Variants in ZW10 observed in about 807,000 individuals in gnomAD.
ZW10 encodes centromere/kinetochore protein zw10 homolog.
ZW10 carries 53 observed loss-of-function variants against 87.8 expected under a neutral mutation model. That is an observed-to-expected ratio of 0.60 (90% CI 0.48 to 0.76). The LOEUF is 0.76. ZW10 is among the 30% of genes least tolerant of loss of function. The pLI is 0.00. For synonymous variants in ZW10, 312 were observed against 329.2 expected, an observed-to-expected ratio of 0.95 and a Z score of 0.57; for missense variants, 837 against 923.0, an observed-to-expected ratio of 0.91 and a Z score of 1.21.
chr11:113,757,932 T>A, intron 6 of ZW10, 79 bp from the exon 7 acceptor site: 1 of 1,233,200 alleles, frequency 8.1e-7, no homozygotes. Flanking sequence ...ACATCTGTAA[T>A]CCCAGCACTT....
intron 2 of ZW10, among the ~76,000 whole-genome samples, chr11:113,767,840 A>T (rs919141140): frequency 6.6e-6 from 1 of 152,088 alleles, no homozygotes; most frequent in African/African-American, 2.4e-5. Flanking sequence ...GAATACTTGT[A>T]GCTCCCCAAC....
chr11:113,747,694 T>C lies in ZW10; in HGVS notation c.1109A>G (p.Glu370Gly). The C allele has an allele frequency of 6.2e-7, 1 of 1,611,242 alleles. No individual in the cohort carries two copies. Among genetic ancestry groups the C allele is most frequent in the Non-Finnish European group, 8.5e-7 (1 of 1,178,300 alleles). ...QYEEIIQSTE[E>G]FENALKEMRF... ...CATTTCCTTTAGGGCATTTTCAAAT[T>C]CTTCAGTGGACTGTATGATCTGAGA... is the stretch of plus-strand genomic sequence containing the variant. The change falls in exon 9 of 16, where the codon GAA (glutamate) becomes GGA (glycine). Residue 370 changes from glutamate (E) to glycine (G), a missense_variant. Coordinates refer to ENST00000200135, the MANE Select transcript of ZW10 (RefSeq NM_004724.4).
intron 8 of ZW10, 98 bp from the exon 9 acceptor site, chr11:113,747,811 C>T: frequency 9.8e-7 from 1 of 1,020,142 alleles, no homozygotes; most frequent in South Asian, 2.0e-5. Context: ...GAGGACCAAG[C>T]TGGTCATTTT....
At chr11:113,767,576 ATT>A (rs979828730) in intron 2 of ZW10, among the ~76,000 whole-genome samples, 3 of 151,968 alleles carry the variant, frequency 2.0e-5, no homozygotes, top group African/African-American at 7.3e-5. Flanking sequence ...GCCTCTGAAC[ATT>A]TTAACTGCCT....
chr11:113,763,497 T>C (rs1348045394), intron 2 of ZW10, among the ~76,000 whole-genome samples: 1 of 152,204 alleles, frequency 6.6e-6, no homozygotes, highest in Non-Finnish European at 1.5e-5. Context: ...TGTAAAAACG[T>C]TCCTATTTCT....
At chr11:113,765,725 G>T (rs1381814116) in intron 2 of ZW10, among the ~76,000 whole-genome samples, 1 of 152,156 alleles carries the variant, frequency 6.6e-6, no homozygotes, top group East Asian at 1.9e-4. Context: ...CAGACTTTTG[G>T]AAGACAATTC....
At chr11:113,759,853 T>C (rs992393536) in intron 5 of ZW10, among the ~76,000 whole-genome samples, 1 of 152,166 alleles carries the variant, frequency 6.6e-6, no homozygotes, top group Non-Finnish European at 1.5e-5. Flanking sequence ...CTGCTAGGAT[T>C]AGGGCTGTCA....
chr11:113,734,575 A>C (rs1417962369), intron 15 of ZW10, among the ~76,000 whole-genome samples: 2 of 152,062 alleles, frequency 1.3e-5, no homozygotes, highest in African/African-American at 4.8e-5. Flanking sequence ...GAGGCCGAGG[A>C]AGGCAGATCA....
chr11:113,750,912 T>C (rs188183768), intron 7 of ZW10, among the ~76,000 whole-genome samples: 8 of 151,784 alleles, frequency 5.3e-5, no homozygotes, highest in African/African-American at 1.4e-4. Context: ...TTTTTTAAAA[T>C]GTAAAAGATT....
In ZW10 at chr11:113,747,530, C is replaced by A; in HGVS notation, c.1272+1G>T. 6.2e-7 allele frequency: 1 copy of A among 1,608,686 alleles called. No homozygotes were observed. The highest frequency in any genetic ancestry group is 1.1e-5 in the South Asian group (1 of 90,498). ...TATACAATGCAATATAACACTGGTACCTTCACAGTGTTATGAATTTCTGAG... is the reference window on the plus strand; with the variant it reads ...TATACAATGCAATATAACACTGGTAACTTCACAGTGTTATGAATTTCTGAG... On this transcript the variant is annotated splice_donor_variant, in intron 9 of 15. Coordinates refer to ENST00000200135, the MANE Select transcript of ZW10 (RefSeq NM_004724.4). LOFTEE classifies it high-confidence loss of function.
rs776331036 is a variant in ZW10, at chr11:113,739,387, G to C, written c.1584-5C>G. ...GGAAGTTTTTGAAGGTTCTCCCTAG[G>C]CCAGAAGGAGGGGTAGAAAAACAAA... On this transcript the variant is annotated splice_polypyrimidine_tract_variant and splice_region_variant and intron_variant, in intron 11 of 15. Transcript: ENST00000200135. The C allele has an allele frequency of 6.3e-7, 1 of 1,583,552 alleles. No homozygotes were observed. Among genetic ancestry groups the C allele is most frequent in the East Asian group, 2.3e-5 (1 of 43,708 alleles).
chr11:113,748,977 C>T (rs1335916620), intron 7 of ZW10, among the ~76,000 whole-genome samples: 3 of 151,988 alleles, frequency 2.0e-5, no homozygotes, highest in Non-Finnish European at 2.9e-5. Context: ...AACCAGGCAC[C>T]AATGTAGAAG....
intron 2 of ZW10, among the ~76,000 whole-genome samples, chr11:113,762,875 G>A (rs974898417): frequency 6.6e-6 from 1 of 152,168 alleles, no homozygotes; most frequent in Non-Finnish European, 1.5e-5. Context: ...ATACGCTGTA[G>A]AAAAGTATTT....
chr11:113,772,653 C>T (rs1937646971), intron 1 of ZW10, among the ~76,000 whole-genome samples: 1 of 152,088 alleles, frequency 6.6e-6, no homozygotes, highest in Non-Finnish European at 1.5e-5. Flanking sequence ...AGCACAGCTT[C>T]ATGTGCTTGT....
At chr11:113,760,171 C>G in intron 5 of ZW10, 38 bp downstream of exon 5, 1 of 1,599,338 alleles carries the variant, frequency 6.3e-7, no homozygotes, top group Non-Finnish European at 8.5e-7. Flanking sequence ...CTGGTTCAGG[C>G]AGATGAAGCA....
At chr11:113,752,436 A>G (rs1319329664) in intron 7 of ZW10, among the ~76,000 whole-genome samples, 2 of 152,160 alleles carry the variant, frequency 1.3e-5, no homozygotes, top group Admixed American at 1.3e-4. Context: ...AATGTGCTTC[A>G]CAGATACTGG....
At chr11:113,755,339 A>G (rs926015998) in intron 7 of ZW10, among the ~76,000 whole-genome samples, 2 of 152,206 alleles carry the variant, frequency 1.3e-5, no homozygotes, top group African/African-American at 4.8e-5. Context: ...AACCCTCATG[A>G]CTTTGAGGGG....
rs1352089464 is a variant in ZW10, at chr11:113,758,652, T to TGTTCAGTGTATAAATGAA, written c.617_634dup (p.Leu206_Glu211dup). On this transcript the variant is annotated inframe_insertion, in exon 6 of 16. Coordinates refer to ENST00000200135, the MANE Select transcript of ZW10 (RefSeq NM_004724.4). ...AGGGGTCTTCTCCTCTTTGTGCGATTGTTCAGTGTATAAATGAAGTTCAGT... is the reference window on the plus strand; with the variant it reads ...AGGGGTCTTCTCCTCTTTGTGCGATTGTTCAGTGTATAAATGAAGTTCAGTGTATAAATGAAGTTCAGT... 32 of 1,614,134 alleles carry TGTTCAGTGTATAAATGAA rather than the reference T, an allele frequency of 2.0e-5. No homozygotes were observed. The East Asian group carries it at 6.9e-4, about 35-fold the overall frequency.
chr11:113,737,189 A>G (rs1953563440), intron 14 of ZW10, among the ~76,000 whole-genome samples: 1 of 152,236 alleles, frequency 6.6e-6, no homozygotes, highest in African/African-American at 2.4e-5. Flanking sequence ...GAAGAATCAC[A>G]TGTAAAATTT....
Sources: gnomAD v4.1 joint callset for allele counts (sites outside exome capture counted in the v4.1 genomes callset) on GRCh38, gnomAD v4.1.1 for gene constraint, MANE v1.5 for transcripts, NCBI Gene and HGNC (gene_info 2026-07-23, HGNC 2026-07-21) for gene names.